The following GRM8 variants were observed in gnomAD, a reference collection of about 807,000 sequenced individuals.
The protein encoded by GRM8 is metabotropic glutamate receptor 8.
In GRM8, 47 loss-of-function variants were observed where a neutral mutation model predicts 87.2. The ratio of observed to expected loss-of-function variants is 0.54; its 90% CI spans 0.43 to 0.69. GRM8 has a LOEUF of 0.69. GRM8 is among the 30% of genes least tolerant of loss of function. GRM8 has a pLI of 0.00. For missense variants in GRM8, 1,019 were observed against 1,139.2 expected (o/e 0.89, Z 1.52); for synonymous variants, 396 against 404.5 (o/e 0.98, Z 0.25).
At chr7:126,450,341 A>G (rs1802475393) in intron 9 of GRM8, among the ~76,000 whole-genome samples, 1 of 151,864 alleles carries the variant, frequency 6.6e-6, no homozygotes, top group Non-Finnish European at 1.5e-5. Context: ...ACTTTATGCC[A>G]CGTGATAAGA....
At chr7:126,469,827 G>A (rs1398393381) in intron 9 of GRM8, among the ~76,000 whole-genome samples, 2 of 152,088 alleles carry the variant, frequency 1.3e-5, no homozygotes. Context: ...GGTAGAGTGT[G>A]GTACTGCTAA....
chr7:126,964,458 T>A (rs531823266), intron 3 of GRM8, among the ~76,000 whole-genome samples: 7 of 152,164 alleles, frequency 4.6e-5, no homozygotes, highest in Admixed American at 4.6e-4. Context: ...CTTAAACAAA[T>A]TTACAAGAAA....
At chr7:126,522,514 T>C (rs1184217038) in intron 9 of GRM8, among the ~76,000 whole-genome samples, 3 of 152,200 alleles carry the variant, frequency 2.0e-5, no homozygotes, top group African/African-American at 4.8e-5. Flanking sequence ...ATAGTAATCA[T>C]ATAATTTTTC....
intron 7 of GRM8, among the ~76,000 whole-genome samples, chr7:126,699,300 A>G (rs1809687294): frequency 6.6e-6 from 1 of 152,168 alleles, no homozygotes; most frequent in African/African-American, 2.4e-5. Context: ...ATTTCCCTCA[A>G]TTGTAACTAT....
intron 8 of GRM8, among the ~76,000 whole-genome samples, chr7:126,598,395 T>C (rs1469126899): frequency 6.6e-6 from 1 of 152,090 alleles, no homozygotes; most frequent in Non-Finnish European, 1.5e-5. Context: ...GGCATAGTTT[T>C]GTATATTCTT....
At chr7:127,074,790 T>C (rs1365538792) in intron 3 of GRM8, among the ~76,000 whole-genome samples, 1 of 152,188 alleles carries the variant, frequency 6.6e-6, no homozygotes, top group Non-Finnish European at 1.5e-5. Context: ...TGCTGGCACC[T>C]CCTCTTGGAT....
intron 7 of GRM8, among the ~76,000 whole-genome samples, chr7:126,721,890 A>AT (rs1318806499): frequency 6.6e-6 from 1 of 151,814 alleles, no homozygotes; most frequent in African/African-American, 2.4e-5. Flanking sequence ...AGCTGTTCTG[A>AT]TTTTTTTGTT....
At chr7:126,648,353 AT>A in intron 7 of GRM8, among the ~76,000 whole-genome samples, 1 of 152,224 alleles carries the variant, frequency 6.6e-6, no homozygotes, top group African/African-American at 2.4e-5. Flanking sequence ...AAATTTTCTG[AT>A]TTTCATAAGA....
chr7:127,133,146 G>A (rs1466215747), intron 2 of GRM8, among the ~76,000 whole-genome samples: 2 of 151,066 alleles, frequency 1.3e-5, no homozygotes, highest in Non-Finnish European at 2.9e-5. Context: ...CGGGCCAAGC[G>A]CGGTGGCTCA....
At chr7:127,251,599 G>C (rs1046727148) in intron 1 of GRM8, among the ~76,000 whole-genome samples, 1 of 151,906 alleles carries the variant, frequency 6.6e-6, no homozygotes, top group African/African-American at 2.4e-5. Flanking sequence ...TGGGGCCGTG[G>C]GGAGAGCGCC....
intron 6 of GRM8, among the ~76,000 whole-genome samples, chr7:126,826,515 CTTCTT>C (rs1302634604): frequency 3.3e-5 from 5 of 152,242 alleles, no homozygotes; most frequent in African/African-American, 9.6e-5. Flanking sequence ...GCATAAATGT[CTTCTT>C]TTGAGAAGTG....
intron 7 of GRM8, among the ~76,000 whole-genome samples, chr7:126,633,985 C>CAATTCAA (rs1756575891): frequency 6.6e-6 from 1 of 151,822 alleles, no homozygotes; most frequent in Non-Finnish European, 1.5e-5. Context: ...GCTATGCTTT[C>CAATTCAA]AATGTAATTT....
intron 7 of GRM8, among the ~76,000 whole-genome samples, chr7:126,660,400 T>A (rs1805025518): frequency 6.6e-6 from 1 of 152,188 alleles, no homozygotes; most frequent in African/African-American, 2.4e-5. Context: ...ATGCTAGGGA[T>A]TATTTAACTC....
At chr7:127,213,753 GTTTAC>G (rs1486594302) in intron 2 of GRM8, among the ~76,000 whole-genome samples, 1 of 152,066 alleles carries the variant, frequency 6.6e-6, no homozygotes, top group Non-Finnish European at 1.5e-5. Context: ...TAGGTTTTAT[GTTTAC>G]TTTGTTTTGA....
intron 8 of GRM8, among the ~76,000 whole-genome samples, chr7:126,581,611 A>C (rs1248548440): frequency 6.6e-6 from 1 of 152,106 alleles, no homozygotes; most frequent in African/African-American, 2.4e-5. Context: ...ATACAGGTAC[A>C]CCTCACATTA....
intron 7 of GRM8, among the ~76,000 whole-genome samples, chr7:126,647,458 G>C (rs1269015197): frequency 2.0e-5 from 3 of 151,814 alleles, no homozygotes; most frequent in African/African-American, 7.3e-5. Context: ...AAAAATTCTA[G>C]TCAAATATCT....
intron 3 of GRM8, among the ~76,000 whole-genome samples, chr7:127,066,827 C>T (rs2132641228): frequency 6.6e-6 from 1 of 152,274 alleles, no homozygotes; most frequent in African/African-American, 2.4e-5. Flanking sequence ...CTAGCCTCTG[C>T]TCTACTTTTT....
chr7:127,047,429 T>C (rs1370079343), intron 3 of GRM8, among the ~76,000 whole-genome samples: 2 of 152,154 alleles, frequency 1.3e-5, no homozygotes, highest in Non-Finnish European at 2.9e-5. Flanking sequence ...TAATCTCTGT[T>C]CCTTCTACCT....
At chr7:126,937,779 C>T (rs1356423746) in intron 3 of GRM8, among the ~76,000 whole-genome samples, 2 of 152,256 alleles carry the variant, frequency 1.3e-5, no homozygotes, top group African/African-American at 4.8e-5. Context: ...CCTTTAGTGC[C>T]GGGGTCACTG....
Sources: gnomAD v4.1 joint callset for allele counts (sites outside exome capture counted in the v4.1 genomes callset) on GRCh38, gnomAD v4.1.1 for gene constraint, MANE v1.5 for transcripts, NCBI Gene and HGNC (gene_info 2026-07-23, HGNC 2026-07-21) for gene names.